Variants in STXBP5L observed in about 807,000 individuals in gnomAD.
STXBP5L encodes the protein syntaxin binding protein 5L, also known as syntaxin-binding protein 5-like.
Under a neutral mutation model 144.5 loss-of-function variants are expected in STXBP5L, and 65 were observed. That is an observed-to-expected ratio of 0.45 (90% CI 0.37 to 0.55). The LOEUF is 0.55. Ranked by LOEUF, STXBP5L falls within the 20% of genes least tolerant of loss-of-function variation. STXBP5L has a pLI of 0.00. For missense variants in STXBP5L, 1,298 were observed against 1,405.5 expected, an observed-to-expected ratio of 0.92 and a Z score of 1.22; for synonymous variants, 505 against 469.6, an observed-to-expected ratio of 1.08 and a Z score of -0.97.
intron 20 of STXBP5L, among the ~76,000 whole-genome samples, chr3:121,345,716 T>A (rs1015489545): frequency 2.0e-5 from 3 of 152,138 alleles, no homozygotes; most frequent in African/African-American, 7.2e-5. Context: ...TGGCATGAGA[T>A]GGTATCTCAT....
Position 121,279,802 on chromosome 3 carries a change from T to TA in STXBP5L, c.1959-2dup. On this transcript the variant is annotated splice_polypyrimidine_tract_variant and splice_region_variant and intron_variant, in intron 18 of 26. Transcript: ENST00000471454. ...TTCTAGTTGTATTTTTTTTCTCTCT[T>TA]AGAGTTGCATTTGGGAACTGCAATG... 1.2e-6 allele frequency: 2 copies of TA among 1,611,778 alleles called. No homozygotes were observed. The highest frequency in any genetic ancestry group is 1.1e-5 in the South Asian group (1 of 90,916).
At chr3:121,023,765 C>G (rs1472650365) in intron 3 of STXBP5L, among the ~76,000 whole-genome samples, 1 of 152,112 alleles carries the variant, frequency 6.6e-6, no homozygotes, top group African/African-American at 2.4e-5. Context: ...AGACCTGACA[C>G]CATAAAAATT....
chr3:121,385,253 C>A (rs1359924300), intron 22 of STXBP5L, among the ~76,000 whole-genome samples: 1 of 152,088 alleles, frequency 6.6e-6, no homozygotes, highest in Non-Finnish European at 1.5e-5. Flanking sequence ...ATTTGCTTAG[C>A]TTCTGGTGAG....
At chr3:121,319,398 C>T (rs2043895179) in intron 20 of STXBP5L, among the ~76,000 whole-genome samples, 1 of 152,090 alleles carries the variant, frequency 6.6e-6, no homozygotes, top group Non-Finnish European at 1.5e-5. Flanking sequence ...TTTAGAATTG[C>T]AGCATTTCTT....
At chr3:121,417,776 A>G (rs2169300) in intron 25 of STXBP5L, among the ~76,000 whole-genome samples, 90,599 of 152,128 alleles carry the variant, frequency 0.6, 28,083 homozygotes, top group East Asian at 0.89. Context: ...CAAATTTTTA[A>G]CATATGTAAC....
At chr3:121,338,055 G>A (rs9879037) in intron 20 of STXBP5L, among the ~76,000 whole-genome samples, 15,244 of 151,978 alleles carry the variant, frequency 0.1, 1,207 homozygotes, top group Admixed American at 0.2. Context: ...CAGGAAAAGC[G>A]GTGCTAAGAT....
chr3:121,302,300 A>G (rs1053583745), intron 19 of STXBP5L, among the ~76,000 whole-genome samples: 3 of 151,896 alleles, frequency 2.0e-5, no homozygotes, highest in Non-Finnish European at 4.4e-5. Flanking sequence ...GAATTTATCT[A>G]TTTCTTCTAG....
chr3:121,301,372 T>C (rs1320637364), intron 19 of STXBP5L, among the ~76,000 whole-genome samples: 1 of 152,184 alleles, frequency 6.6e-6, no homozygotes, highest in Non-Finnish European at 1.5e-5. Flanking sequence ...ATAAGAATGC[T>C]TGTGATTTTT....
chr3:121,207,274 G>A (rs879489915), intron 10 of STXBP5L, among the ~76,000 whole-genome samples: 5 of 142,410 alleles, frequency 3.5e-5, no homozygotes, highest in African/African-American at 5.4e-5. Context: ...AAACTGGCTA[G>A]CCATATGTAG....
intron 3 of STXBP5L, among the ~76,000 whole-genome samples, chr3:120,988,961 A>T (rs756592674): frequency 6.6e-6 from 1 of 152,094 alleles, no homozygotes; most frequent in Non-Finnish European, 1.5e-5. Context: ...AATGGACTCC[A>T]GTTCCATCCT....
intron 2 of STXBP5L, among the ~76,000 whole-genome samples, chr3:120,946,967 C>T (rs953431579): frequency 1.3e-5 from 2 of 151,694 alleles, no homozygotes; most frequent in South Asian, 4.1e-4. Flanking sequence ...GGTAGTATGA[C>T]TAGCCCTCCC....
chr3:121,175,716 A>T (rs1240185672), intron 9 of STXBP5L, among the ~76,000 whole-genome samples: 1 of 152,138 alleles, frequency 6.6e-6, no homozygotes, highest in African/African-American at 2.4e-5. Context: ...AAATACAAGT[A>T]TATCAATATT....
chr3:121,403,788 C>T (rs1017913855), intron 22 of STXBP5L, among the ~76,000 whole-genome samples: 4 of 152,162 alleles, frequency 2.6e-5, no homozygotes, highest in African/African-American at 9.7e-5. Context: ...CAACGTATTA[C>T]ACAGGCTACC....
chr3:121,051,877 T>C (rs1024182048), intron 5 of STXBP5L, among the ~76,000 whole-genome samples: 5 of 151,784 alleles, frequency 3.3e-5, no homozygotes, highest in African/African-American at 1.2e-4. Flanking sequence ...AAGAATCAAA[T>C]AGATGCAATA....
intron 5 of STXBP5L, among the ~76,000 whole-genome samples, chr3:121,086,108 C>G (rs1174263478): frequency 6.6e-6 from 1 of 152,078 alleles, no homozygotes; most frequent in Non-Finnish European, 1.5e-5. Context: ...TGGCTAGACA[C>G]ATACAGAAAA....
At chr3:121,086,987 A>G (rs558700295) in intron 5 of STXBP5L, among the ~76,000 whole-genome samples, 1 of 152,002 alleles carries the variant, frequency 6.6e-6, no homozygotes, top group East Asian at 1.9e-4. Context: ...GTACTTGGAG[A>G]TTTTATTGTA....
intron 20 of STXBP5L, among the ~76,000 whole-genome samples, chr3:121,365,575 C>T (rs896214748): frequency 7.3e-5 from 11 of 151,638 alleles, no homozygotes; most frequent in African/African-American, 2.4e-4. Flanking sequence ...GTTCATAATA[C>T]TATCTTAAAA....
At chr3:121,271,534 C>A (rs2050734246) in intron 18 of STXBP5L, among the ~76,000 whole-genome samples, 1 of 152,052 alleles carries the variant, frequency 6.6e-6, no homozygotes. Flanking sequence ...GCCTCTAGCC[C>A]CTATCAGTAT....
chr3:120,979,312 G>T (rs1346172509), intron 3 of STXBP5L, among the ~76,000 whole-genome samples: 1 of 152,208 alleles, frequency 6.6e-6, no homozygotes. Context: ...TGCTGTGCTA[G>T]CAATCAGCAA....
Sources: gnomAD v4.1 joint callset for allele counts (sites outside exome capture counted in the v4.1 genomes callset) on GRCh38, gnomAD v4.1.1 for gene constraint, MANE v1.5 for transcripts, NCBI Gene and HGNC (gene_info 2026-07-23, HGNC 2026-07-21) for gene names.